Variants in PLEKHM3 observed in about 807,000 individuals in gnomAD.
PLEKHM3 encodes pleckstrin homology domain-containing family M member 3.
A neutral mutation model predicts 81.8 loss-of-function variants in PLEKHM3; 45 were observed. That is an observed-to-expected ratio of 0.55 (90% CI 0.43 to 0.71). PLEKHM3 has a LOEUF of 0.71. Among genes scored for constraint, PLEKHM3 ranks in the 30% least tolerant of loss-of-function variants. PLEKHM3 has a pLI of 0.00. For synonymous variants in PLEKHM3, 352 were observed against 356.4 expected, an observed-to-expected ratio of 0.99 and a Z score of 0.14; for missense variants, 788 against 924.3, an observed-to-expected ratio of 0.85 and a Z score of 1.91.
chr2:207,832,095 T>G (rs917572684), intron 7 of PLEKHM3, among the ~76,000 whole-genome samples: 1 of 152,198 alleles, frequency 6.6e-6, no homozygotes, highest in African/African-American at 2.4e-5. Context: ...CAAACACCCA[T>G]GGGGTGATGG....
intron 4 of PLEKHM3, among the ~76,000 whole-genome samples, chr2:207,933,121 G>T (rs1689644830): frequency 6.6e-6 from 1 of 152,144 alleles, no homozygotes; most frequent in Non-Finnish European, 1.5e-5. Context: ...AATTAGAGAA[G>T]TTTACAGTCT....
intron 1 of PLEKHM3, among the ~76,000 whole-genome samples, chr2:208,007,778 G>A (rs1003635872): frequency 7.9e-5 from 12 of 152,098 alleles, no homozygotes; most frequent in Admixed American, 2.0e-4. Context: ...AAAATAGGCC[G>A]GGCGCAGTGG....
intron 5 of PLEKHM3, among the ~76,000 whole-genome samples, chr2:207,921,295 C>T (rs745346904): frequency 8.5e-5 from 13 of 152,202 alleles, no homozygotes; most frequent in Non-Finnish European, 1.6e-4. Context: ...AATCTGCCTG[C>T]CTCAGCCTCC....
At chr2:208,009,901 C>T (rs1202421941) in intron 1 of PLEKHM3, among the ~76,000 whole-genome samples, 2 of 152,152 alleles carry the variant, frequency 1.3e-5, no homozygotes, top group East Asian at 3.8e-4. Context: ...GTTATGTTGA[C>T]TCAAGCTTTT....
chr2:208,011,750 A>G (rs1230957546), intron 1 of PLEKHM3, among the ~76,000 whole-genome samples: 2 of 141,892 alleles, frequency 1.4e-5, no homozygotes, highest in African/African-American at 2.7e-5. Flanking sequence ...CCACAAACCT[A>G]TGGAATAAAA....
intron 6 of PLEKHM3, among the ~76,000 whole-genome samples, chr2:207,889,349 C>T (rs889760663): frequency 1.3e-5 from 2 of 151,242 alleles, no homozygotes; most frequent in Non-Finnish European, 2.9e-5. Flanking sequence ...AGGACCACTT[C>T]TTTGGTAGAT....
chr2:207,881,049 T>C (rs1370258153), intron 6 of PLEKHM3, among the ~76,000 whole-genome samples: 1 of 150,370 alleles, frequency 6.7e-6, no homozygotes, highest in Non-Finnish European at 1.5e-5. Context: ...GTAGATCCTC[T>C]TCTGAATTTC....
intron 5 of PLEKHM3, among the ~76,000 whole-genome samples, chr2:207,923,905 A>ATATATATATATT (rs1396762429): frequency 1.6e-3 from 46 of 28,328 alleles, no homozygotes; most frequent in South Asian, 5.1e-3. Context: ...ATATATATAT[A>ATATATATATATT]TTTTTTTTTT....
At chr2:207,992,111 T>A (rs1047640197) in intron 2 of PLEKHM3, among the ~76,000 whole-genome samples, 1 of 152,182 alleles carries the variant, frequency 6.6e-6, no homozygotes, top group Non-Finnish European at 1.5e-5. Context: ...CTCCAGACTT[T>A]AAATCTAGAT....
intron 7 of PLEKHM3, among the ~76,000 whole-genome samples, chr2:207,841,406 G>A (rs1230562115): frequency 8.8e-5 from 11 of 125,288 alleles, no homozygotes; most frequent in African/African-American, 1.5e-4. Context: ...CCGAGATCAC[G>A]CCATTGCACT....
intron 6 of PLEKHM3, among the ~76,000 whole-genome samples, chr2:207,879,790 T>C (rs949091422): frequency 6.6e-6 from 1 of 152,126 alleles, no homozygotes; most frequent in Non-Finnish European, 1.5e-5. Context: ...AAGGCCAAAA[T>C]GGGCAATTTT....
chr2:207,921,135 G>A (rs922461601), intron 5 of PLEKHM3, among the ~76,000 whole-genome samples: 3 of 151,944 alleles, frequency 2.0e-5, no homozygotes, highest in South Asian at 2.1e-4. Flanking sequence ...TGCAAGTTCC[G>A]CCTCCTGGGT....
chr2:207,895,750 A>G (rs1688203838), intron 6 of PLEKHM3, among the ~76,000 whole-genome samples: 1 of 152,192 alleles, frequency 6.6e-6, no homozygotes, highest in South Asian at 2.1e-4. Context: ...TACCTTCTGC[A>G]TGTTCTTACT....
chr2:208,002,638 G>C (rs1473933753), intron 1 of PLEKHM3, among the ~76,000 whole-genome samples: 1 of 152,098 alleles, frequency 6.6e-6, no homozygotes, highest in Non-Finnish European at 1.5e-5. Flanking sequence ...TGGCAGGCTT[G>C]AGTTCATCCT....
intron 3 of PLEKHM3, among the ~76,000 whole-genome samples, chr2:207,959,306 TACTA>T (rs1421562657): frequency 6.6e-6 from 1 of 152,178 alleles, no homozygotes; most frequent in Non-Finnish European, 1.5e-5. Flanking sequence ...ATTAAACCAC[TACTA>T]ACTCTCTTTT....
intron 2 of PLEKHM3, among the ~76,000 whole-genome samples, chr2:207,984,208 T>A (rs1691637442): frequency 6.6e-6 from 1 of 152,240 alleles, no homozygotes; most frequent in Non-Finnish European, 1.5e-5. Flanking sequence ...TTTTTCTTGC[T>A]GGTATGTTTG....
intron 5 of PLEKHM3, among the ~76,000 whole-genome samples, chr2:207,924,555 A>G (rs1413212499): frequency 1.3e-5 from 2 of 152,116 alleles, no homozygotes; most frequent in Non-Finnish European, 2.9e-5. Context: ...GTGGTGGCAC[A>G]TGCCTGTAAT....
Position 207,913,137 on chromosome 2 carries a change from A to G in PLEKHM3, c.1887-4560T>C, listed in dbSNP as rs140640417. On this transcript the variant is annotated intron_variant, in intron 5 of 7. Transcript: ENST00000427836. The stretch of plus-strand genomic sequence containing the variant: ...GGGGTCTGAAAAACAGGACTAAGGA[A>G]GAGGAGTTGTCTTGGTGGGGGAAAG... Among the ~76,000 whole-genome samples, 454 of 152,228 alleles carry G rather than the reference A, an allele frequency of 3.0e-3. 6 individuals carry two copies. Among genetic ancestry groups the G allele is most frequent in the African/African-American group, 0.01 (433 of 41,536 alleles).
Position 207,959,062 on chromosome 2 carries a change from T to C in PLEKHM3, c.1547-12550A>G, listed in dbSNP as rs137908424. ...TAGTTAAGCTTTTATATTTTGTTCATCATGGACTTTTTACATTAATTTTGA... is the reference window on the plus strand; with the variant it reads ...TAGTTAAGCTTTTATATTTTGTTCACCATGGACTTTTTACATTAATTTTGA... On this transcript the variant is annotated intron_variant, in intron 3 of 7. Transcript: ENST00000427836. 2.6e-4 allele frequency among the ~76,000 whole-genome samples: 40 copies of C among 152,338 alleles called. No homozygotes were observed. The East Asian group carries it at 7.3e-3, about 28-fold the overall frequency.
Sources: allele counts gnomAD v4.1 joint callset (sites outside exome capture counted in the v4.1 genomes callset), GRCh38; gene constraint gnomAD v4.1.1; transcripts MANE v1.5; gene names NCBI Gene and HGNC (gene_info 2026-07-23, HGNC 2026-07-21).